MMP26: variants seen among roughly 807,000 people sequenced by gnomAD.
MMP26 encodes the protein matrix metallopeptidase 26, also known as matrix metalloproteinase-26.
MMP26 carries 33 observed loss-of-function variants against 31.0 expected under a neutral mutation model. That is an observed-to-expected ratio of 1.06 (90% CI 0.81 to 1.42). The LOEUF is 1.42. Among genes scored for constraint, MMP26 ranks in the 40% most tolerant of loss-of-function variants. The pLI is 0.00. For synonymous variants in MMP26, 122 were observed against 114.9 expected, an observed-to-expected ratio of 1.06 and a Z score of -0.40; for missense variants, 347 against 316.1, an observed-to-expected ratio of 1.10 and a Z score of -0.74.
intron 2 of MMP26, among the ~76,000 whole-genome samples, chr11:4,934,019 T>C (rs1475133556): frequency 6.9e-6 from 1 of 143,976 alleles, no homozygotes; most frequent in Non-Finnish European, 1.5e-5. Context: ...TTGTGAATAA[T>C]GCCGCAATAA....
At chr11:4,740,631 C>A (rs570601034) in intron 1 of MMP26, among the ~76,000 whole-genome samples, 1 of 149,490 alleles carries the variant, frequency 6.7e-6, no homozygotes, top group African/African-American at 2.5e-5. Flanking sequence ...TGCAGTGAGC[C>A]GAGATTGCAC....
rs76075850 is a variant in MMP26 at position 4,882,122 on chromosome 11, C to T, written c.-144-105946C>T. 10 of 1,613,912 alleles carry T rather than the reference C, an allele frequency of 6.2e-6. No homozygotes were observed. The East Asian group carries it at 2.0e-4, about 32-fold the overall frequency. ...CATGCTGGCAGCTGTTGATCTATGTCTGACCATTACGACCCTTCCCACTGT... is the reference window on the plus strand; with the variant it reads ...CATGCTGGCAGCTGTTGATCTATGTTTGACCATTACGACCCTTCCCACTGT... On this transcript the variant is annotated intron_variant, in intron 2 of 7. Coordinates refer to ENST00000380390, the MANE Select transcript of MMP26 (RefSeq NM_021801.5).
chr11:4,714,959 T>C (rs1332088344), intron 1 of MMP26, among the ~76,000 whole-genome samples: 2 of 137,992 alleles, frequency 1.4e-5, no homozygotes, highest in African/African-American at 5.5e-5. Flanking sequence ...CACACACACA[T>C]TACTCAGTTT....
At chr11:4,710,135 C>T (rs748591462) in intron 1 of MMP26, 2 of 456,782 alleles carry the variant, frequency 4.4e-6, no homozygotes, top group Non-Finnish European at 8.8e-6. Flanking sequence ...CGATGAAGCT[C>T]TCATGCACAG....
chr11:4,894,093 A>AT (rs1284502009), intron 2 of MMP26, among the ~76,000 whole-genome samples: 1 of 152,182 alleles, frequency 6.6e-6, no homozygotes, highest in Non-Finnish European at 1.5e-5. Flanking sequence ...TAAGTGCTTT[A>AT]TTTTACCCCC....
intron 2 of MMP26, chr11:4,914,675 C>G (rs757448129): frequency 1.5e-6 from 2 of 1,374,134 alleles, no homozygotes; most frequent in East Asian, 4.7e-5. Context: ...GATAGGCAAA[C>G]AAGGGCACGT....
intron 2 of MMP26, among the ~76,000 whole-genome samples, chr11:4,963,671 T>C (rs1846552000): frequency 6.6e-6 from 1 of 152,192 alleles, no homozygotes; most frequent in South Asian, 2.1e-4. Flanking sequence ...TGAAGCATGA[T>C]ACAATTTGAA....
rs536694075 is a variant in MMP26 at position 4,705,287 on chromosome 11, T to A, written c.-217+242T>A. On this transcript the variant is annotated intron_variant, in intron 1 of 7. Coordinates refer to ENST00000380390, the MANE Select transcript of MMP26 (RefSeq NM_021801.5). Reference sequence around the variant, plus strand: ...GCCACAGTAAAAAAAGAAAAAAAAATTTAAATAAGGAGTTTGCGAGAGCAT... The same window carrying A: ...GCCACAGTAAAAAAAGAAAAAAAAAATTAAATAAGGAGTTTGCGAGAGCAT... 1.1e-3 allele frequency among the ~76,000 whole-genome samples: 162 copies of A among 151,994 alleles called. 2 individuals carry two copies. Among genetic ancestry groups the A allele is most frequent in the South Asian group, 6.9e-3 (33 of 4,814 alleles).
intron 2 of MMP26, among the ~76,000 whole-genome samples, chr11:4,967,932 T>C (rs150163451): frequency 1.3e-5 from 2 of 152,152 alleles, no homozygotes; most frequent in African/African-American, 2.4e-5. Flanking sequence ...GGAAAGGGGA[T>C]TCTTTTATTC....
At chr11:4,873,800 A>G (rs1229298046) in intron 2 of MMP26, among the ~76,000 whole-genome samples, 3 of 152,036 alleles carry the variant, frequency 2.0e-5, no homozygotes. Context: ...GGTAGGTACT[A>G]TTATTTTTAT....
chr11:4,856,236 G>A (rs1015027371), intron 2 of MMP26, among the ~76,000 whole-genome samples: 140 of 152,158 alleles, frequency 9.2e-4, no homozygotes, highest in African/African-American at 3.1e-3. Context: ...AACCTTAAAT[G>A]TAGATGGGCT....
intron 2 of MMP26, chr11:4,803,739 C>G (rs1849217946): frequency 6.2e-7 from 1 of 1,613,650 alleles, no homozygotes; most frequent in Non-Finnish European, 8.5e-7. Flanking sequence ...CAATGACAAT[C>G]ATATCAAAGC....
rs1357032651 is a variant in MMP26 at position 4,927,441 on chromosome 11, T to C, written c.-144-60627T>C. Among the ~76,000 whole-genome samples, 3 of 152,180 alleles carry C rather than the reference T, an allele frequency of 2.0e-5. No individual in the cohort carries two copies. In the East Asian group the frequency reaches 5.8e-4, roughly 29 times the overall value. Reference sequence around the variant, plus strand: ...ATGACTTTTACAAGATCACACAGAATGACAAAGCTAGGACTAGAACCACAG... The same window carrying C: ...ATGACTTTTACAAGATCACACAGAACGACAAAGCTAGGACTAGAACCACAG... On this transcript the variant is annotated intron_variant, in intron 2 of 7. Transcript: ENST00000380390.
intron 2 of MMP26, among the ~76,000 whole-genome samples, chr11:4,872,614 G>A (rs1850326035): frequency 6.6e-6 from 1 of 152,046 alleles, no homozygotes; most frequent in South Asian, 2.1e-4. Flanking sequence ...CAAAGGGCCA[G>A]CTTTTACTCA....
At chr11:4,733,597 G>C (rs113731804) in intron 1 of MMP26, among the ~76,000 whole-genome samples, 24 of 152,106 alleles carry the variant, frequency 1.6e-4, no homozygotes, top group African/African-American at 5.1e-4. Context: ...AAAATTCTTA[G>C]AATTTTCTAT....
chr11:4,731,983 G>A (rs1848179902), intron 1 of MMP26, among the ~76,000 whole-genome samples: 1 of 152,164 alleles, frequency 6.6e-6, no homozygotes, highest in Non-Finnish European at 1.5e-5. Context: ...TTGAAGTGTA[G>A]ACCTACCTTG....
chr11:4,789,748 G>A (rs1848997832), intron 2 of MMP26, among the ~76,000 whole-genome samples: 1 of 151,284 alleles, frequency 6.6e-6, no homozygotes, highest in South Asian at 2.1e-4. Flanking sequence ...CACTGTGTTA[G>A]CCAGGATGGT....
chr11:4,796,346 A>G (rs1237432932), intron 2 of MMP26, among the ~76,000 whole-genome samples: 1 of 152,268 alleles, frequency 6.6e-6, no homozygotes, highest in African/African-American at 2.4e-5. Flanking sequence ...ATCCTCAGAT[A>G]GAATTGCCTT....
At chr11:4,983,746 G>C (rs1329527644) in intron 2 of MMP26, among the ~76,000 whole-genome samples, 1 of 152,146 alleles carries the variant, frequency 6.6e-6, no homozygotes, top group South Asian at 2.1e-4. Flanking sequence ...CAGGTCTTTT[G>C]TTCCTTACAT....
Sources: allele counts gnomAD v4.1 joint callset (sites outside exome capture counted in the v4.1 genomes callset), GRCh38; gene constraint gnomAD v4.1.1; transcripts MANE v1.5; gene names NCBI Gene and HGNC (gene_info 2026-07-23, HGNC 2026-07-21).